The following GRM8 variants were observed in gnomAD, a reference collection of about 807,000 sequenced individuals.
GRM8 encodes the protein metabotropic glutamate receptor 8.
A neutral mutation model predicts 87.2 loss-of-function variants in GRM8; 47 were observed. That is an observed-to-expected ratio of 0.54 (90% CI 0.43 to 0.69). The LOEUF is 0.69. GRM8 is among the 30% of genes least tolerant of loss of function. The pLI is 0.00. For missense variants in GRM8, 1,019 were observed against 1,139.2 expected (o/e 0.89, Z 1.52); for synonymous variants, 396 against 404.5 (o/e 0.98, Z 0.25).
intron 3 of GRM8, among the ~76,000 whole-genome samples, chr7:126,905,761 A>G (rs56337929): frequency 0.1 from 15,647 of 152,264 alleles, 973 homozygotes; most frequent in East Asian, 0.22. Flanking sequence ...ATAATAAAGT[A>G]TATAATTAAT....
chr7:126,940,004 A>G (rs1806738826), intron 3 of GRM8, among the ~76,000 whole-genome samples: 1 of 152,220 alleles, frequency 6.6e-6, no homozygotes, highest in Admixed American at 6.5e-5. Flanking sequence ...CAGGGAGCTG[A>G]TTGGGACAAT....
intron 3 of GRM8, among the ~76,000 whole-genome samples, chr7:127,011,999 G>A (rs1814944602): frequency 6.6e-6 from 1 of 152,146 alleles, no homozygotes; most frequent in Non-Finnish European, 1.5e-5. Context: ...GTCACCAACA[G>A]TATTGAAGGA....
intron 7 of GRM8, among the ~76,000 whole-genome samples, chr7:126,639,182 G>A (rs1010140116): frequency 2.6e-5 from 4 of 152,132 alleles, no homozygotes; most frequent in Non-Finnish European, 4.4e-5. Context: ...CCTGCCATTC[G>A]GAAGTAACTT....
At position 127,051,739 on chromosome 7, in the gene GRM8, CAAAAAAAAAAAAAA is replaced by C. The variant is rs59713382; in HGVS notation, c.727+54743_727+54756del. ...GAAATCTCAAAAACATAATGTTGAGCAAAAAAAAAAAAAAAAAAAAAAAAAAGCAGGTTATAAAA... is the reference window on the plus strand; with the variant it reads ...GAAATCTCAAAAACATAATGTTGAGCAAAAAAAAAAAAGCAGGTTATAAAA... On this transcript the variant is annotated intron_variant, in intron 3 of 10. Coordinates refer to ENST00000339582, the MANE Select transcript of GRM8 (RefSeq NM_000845.3). 1.1e-3 allele frequency among the ~76,000 whole-genome samples: 66 copies of C among 58,478 alleles called. No individual in the cohort carries two copies. In the East Asian group the frequency reaches 0.037, roughly 33 times the overall value. The allele number at this position is 58,478 out of a possible 152,430, so 38.4% of individuals were successfully genotyped here.
chr7:126,592,786 C>G (rs1796811733), intron 8 of GRM8, among the ~76,000 whole-genome samples: 1 of 151,814 alleles, frequency 6.6e-6, no homozygotes, highest in Non-Finnish European at 1.5e-5. Flanking sequence ...CTATTCAGTA[C>G]ATACTGGAGG....
intron 3 of GRM8, among the ~76,000 whole-genome samples, chr7:126,905,577 A>T (rs969068313): frequency 3.3e-5 from 5 of 152,298 alleles, no homozygotes; most frequent in African/African-American, 9.6e-5. Flanking sequence ...GCATTGCTTC[A>T]GTAGGCAAAG....
intron 7 of GRM8, among the ~76,000 whole-genome samples, chr7:126,702,841 T>A (rs1429227984): frequency 2.6e-5 from 4 of 152,198 alleles, no homozygotes; most frequent in Non-Finnish European, 4.4e-5. Context: ...GTTTCTGTTA[T>A]CTGTCACAGA....
At chr7:126,692,026 G>A (rs1024978134) in intron 7 of GRM8, among the ~76,000 whole-genome samples, 1 of 152,168 alleles carries the variant, frequency 6.6e-6, no homozygotes, top group African/African-American at 2.4e-5. Flanking sequence ...AGGGTAGGAT[G>A]GAGGGAAGAT....
intron 3 of GRM8, among the ~76,000 whole-genome samples, chr7:126,969,013 T>C (rs1367648089): frequency 6.6e-6 from 1 of 152,222 alleles, no homozygotes; most frequent in Non-Finnish European, 1.5e-5. Flanking sequence ...AAAGTAATGT[T>C]TAGGCTATAT....
intron 7 of GRM8, among the ~76,000 whole-genome samples, chr7:126,619,013 C>CCCATTACTGGGTATATA (rs1455084067): frequency 6.6e-6 from 1 of 152,150 alleles, no homozygotes; most frequent in African/African-American, 2.4e-5. Context: ...ACCCAGCCAT[C>CCCATTACTGGGTATATA]CCATTACTGG....
At chr7:126,559,192 G>T (rs1793450604) in intron 8 of GRM8, among the ~76,000 whole-genome samples, 1 of 148,050 alleles carries the variant, frequency 6.8e-6, no homozygotes, top group Non-Finnish European at 1.5e-5. Context: ...TTGCTCTACG[G>T]CCCAGGCTGG....
chr7:126,986,611 T>C (rs1338531719), intron 3 of GRM8, among the ~76,000 whole-genome samples: 1 of 152,210 alleles, frequency 6.6e-6, no homozygotes, highest in African/African-American at 2.4e-5. Flanking sequence ...ATTATTAATA[T>C]ACACAAATGT....
chr7:126,630,837 T>TG (rs1173958709), intron 7 of GRM8, among the ~76,000 whole-genome samples: 2 of 152,164 alleles, frequency 1.3e-5, no homozygotes, highest in African/African-American at 4.8e-5. Flanking sequence ...ACATCCTTCA[T>TG]GTTAAAAACT....
At chr7:127,068,956 C>A (rs1472958336) in intron 3 of GRM8, among the ~76,000 whole-genome samples, 1 of 152,108 alleles carries the variant, frequency 6.6e-6, no homozygotes, top group South Asian at 2.1e-4. Flanking sequence ...AAAACACTGA[C>A]ATAAAGAGAG....
chr7:126,600,933 AT>A (rs34047308), intron 8 of GRM8, among the ~76,000 whole-genome samples: 76,770 of 151,008 alleles, frequency 0.51, 20,029 homozygotes, highest in South Asian at 0.65. Context: ...CTAGAGTGGC[AT>A]TTTTTTTTTA....
chr7:126,802,739 T>A (rs4728053), intron 6 of GRM8, among the ~76,000 whole-genome samples: 56,489 of 152,028 alleles, frequency 0.37, 11,791 homozygotes, highest in Non-Finnish European at 0.47. Context: ...GCAGCATAAA[T>A]GGCAGAATCA....
chr7:127,123,273 G>A (rs925817466), intron 2 of GRM8, among the ~76,000 whole-genome samples: 2 of 152,076 alleles, frequency 1.3e-5, no homozygotes, highest in East Asian at 3.9e-4. Context: ...TTGAATGTTT[G>A]TCCCCTCCAA....
At chr7:126,515,498 C>T (rs1812037395) in intron 9 of GRM8, among the ~76,000 whole-genome samples, 1 of 152,084 alleles carries the variant, frequency 6.6e-6, no homozygotes, top group Non-Finnish European at 1.5e-5. Flanking sequence ...AGAAACTCAG[C>T]AGCCTAAAAC....
At chr7:126,849,939 CA>C (rs1455720829) in intron 6 of GRM8, among the ~76,000 whole-genome samples, 1 of 152,188 alleles carries the variant, frequency 6.6e-6, no homozygotes, top group Non-Finnish European at 1.5e-5. Context: ...TTTGTCCAAT[CA>C]GTATAGAAAA....
Sources: allele counts gnomAD v4.1 joint callset (sites outside exome capture counted in the v4.1 genomes callset), GRCh38; gene constraint gnomAD v4.1.1; transcripts MANE v1.5; gene names NCBI Gene and HGNC (gene_info 2026-07-23, HGNC 2026-07-21).